Variants in BCL2L13 observed in about 807,000 individuals in gnomAD.
BCL2L13 encodes the protein BCL2 like 13, also known as bcl-2-like protein 13.
In BCL2L13, 13 loss-of-function variants were observed where a neutral mutation model predicts 25.8. The observed-to-expected ratio is 0.50, with a 90% CI of 0.33 to 0.80. The LOEUF is 0.80. Among genes scored for constraint, BCL2L13 ranks in the 30% least tolerant of loss-of-function variants. BCL2L13 has a pLI of 0.02. For missense variants in BCL2L13, 504 were observed against 574.9 expected (o/e 0.88, Z 1.26); for synonymous variants, 244 against 230.3 (o/e 1.06, Z -0.54).
chr22:17,659,911 A>C (rs1009155859), intron 2 of BCL2L13, among the ~76,000 whole-genome samples: 1 of 146,302 alleles, frequency 6.8e-6, no homozygotes. Flanking sequence ...GCTGGAGTGT[A>C]GTGGTCCCAT....
chr22:17,647,854 C>A (rs111399558), intron 1 of BCL2L13, among the ~76,000 whole-genome samples: 1 of 152,092 alleles, frequency 6.6e-6, no homozygotes, highest in Non-Finnish European at 1.5e-5. Context: ...TCCCTCCGGG[C>A]GCAGTGGCTC....
Position 17,727,741 on chromosome 22 carries a change from C to G in BCL2L13, c.*207C>G. On this transcript the variant is annotated 3_prime_UTR_variant, in exon 7 of 7. Transcript: ENST00000317582. ...TGACTGTAAATCCCAAGGGCCTCCG[C>G]TCATGCTAAATTGAGAATCTTAGGG... 1 of 670,944 alleles carries G rather than the reference C, an allele frequency of 1.5e-6. No individual in the cohort carries two copies. The highest frequency in any genetic ancestry group is 2.5e-6 in the Non-Finnish European group (1 of 406,004). 41.6% of individuals were successfully genotyped at this position (670,944 alleles called of 1,614,324 possible). A position where few individuals can be genotyped will look rare whatever the true frequency, so the allele number is the denominator to read the frequency against.
In BCL2L13 at chr22:17,655,700, C is replaced by G. The variant is rs769817127; in HGVS notation, c.-12C>G. 1.9e-6 allele frequency: 3 copies of G among 1,608,950 alleles called. No individual in the cohort carries two copies. In the South Asian group the frequency reaches 3.3e-5, roughly 18 times the overall value. On this transcript the variant is annotated 5_prime_UTR_variant, in exon 2 of 7. Coordinates refer to ENST00000317582, the MANE Select transcript of BCL2L13 (RefSeq NM_015367.4). ...ATAAGTAGACCTTTTTGGAGCCTCACCAGCCAATTCAATGGCGTCCTCTTC... is the reference window on the plus strand; with the variant it reads ...ATAAGTAGACCTTTTTGGAGCCTCAGCAGCCAATTCAATGGCGTCCTCTTC...
At chr22:17,706,825 G>T (rs2060606434) in intron 6 of BCL2L13, 1 of 1,351,814 alleles carries the variant, frequency 7.4e-7, no homozygotes, top group African/African-American at 1.5e-5. Context: ...AGTCCACTGT[G>T]GTAAGGCTTG....
At chr22:17,651,698 G>T (rs1383692481) in intron 1 of BCL2L13, among the ~76,000 whole-genome samples, 5 of 146,138 alleles carry the variant, frequency 3.4e-5, no homozygotes, top group East Asian at 2.1e-4. Context: ...CTTTCTTAAA[G>T]ACTTTTTTTT....
chr22:17,681,062 C>G (rs953471970), intron 2 of BCL2L13, among the ~76,000 whole-genome samples: 1 of 152,184 alleles, frequency 6.6e-6, no homozygotes, highest in African/African-American at 2.4e-5. Context: ...CTTGATCTGT[C>G]TCCTGGAGCC....
intron 2 of BCL2L13, among the ~76,000 whole-genome samples, chr22:17,675,508 GTTGT>G (rs1486954536): frequency 1.3e-5 from 2 of 152,158 alleles, no homozygotes; most frequent in African/African-American, 2.4e-5. Context: ...TTTCAGCCTG[GTTGT>G]TATTTCTGTT....
At chr22:17,721,827 A>T (rs2145822997) in intron 6 of BCL2L13, among the ~76,000 whole-genome samples, 1 of 151,996 alleles carries the variant, frequency 6.6e-6, no homozygotes, top group Non-Finnish European at 1.5e-5. Context: ...CACCCGGCTA[A>T]TTTTTTATGT....
intron 2 of BCL2L13, among the ~76,000 whole-genome samples, chr22:17,658,119 C>T (rs149511813): frequency 6.6e-6 from 1 of 151,034 alleles, no homozygotes; most frequent in East Asian, 1.9e-4. Flanking sequence ...CACGCCCGGC[C>T]GACATTTCTT....
chr22:17,646,955 A>ATATATTTTTTTTT (rs768488873), intron 1 of BCL2L13, among the ~76,000 whole-genome samples: 6 of 22,188 alleles, frequency 2.7e-4, no homozygotes, highest in Non-Finnish European at 3.8e-4. Context: ...ATATATATAT[A>ATATATTTTTTTTT]TTTTTTTTTT....
At chr22:17,704,282 C>T (rs534486674) in intron 6 of BCL2L13, among the ~76,000 whole-genome samples, 78 of 152,038 alleles carry the variant, frequency 5.1e-4, no homozygotes, top group African/African-American at 1.6e-3. Flanking sequence ...GATAGGGCTT[C>T]GCCATGTTGG....
intron 1 of BCL2L13, among the ~76,000 whole-genome samples, chr22:17,644,128 C>T (rs1278303319): frequency 1.3e-5 from 2 of 151,040 alleles, no homozygotes; most frequent in African/African-American, 4.9e-5. Context: ...CCAGGCTGGT[C>T]TCGAACTCCC....
intron 6 of BCL2L13, among the ~76,000 whole-genome samples, chr22:17,722,533 T>C (rs903705098): frequency 6.6e-6 from 1 of 152,112 alleles, no homozygotes; most frequent in African/African-American, 2.4e-5. Flanking sequence ...TGAACCACTG[T>C]GCCCAGCCAG....
chr22:17,654,336 A>G (rs1370620681), intron 1 of BCL2L13, among the ~76,000 whole-genome samples: 1 of 152,118 alleles, frequency 6.6e-6, no homozygotes, highest in Non-Finnish European at 1.5e-5. Context: ...GTTTCAAGCA[A>G]TCAACCTGCC....
chr22:17,674,561 G>A (rs138955972), intron 2 of BCL2L13, among the ~76,000 whole-genome samples: 10 of 149,222 alleles, frequency 6.7e-5, no homozygotes, highest in East Asian at 2.0e-4. Flanking sequence ...AGTAGAGATC[G>A]TGCCACTGCA....
At position 17,727,193 on chromosome 22, in the gene BCL2L13, G is replaced by C; in HGVS notation, c.1117G>C (p.Ala373Pro). 6.2e-7 allele frequency: 1 copy of C among 1,614,240 alleles called. No individual in the cohort carries two copies. The highest frequency in any genetic ancestry group is 8.5e-7 in the Non-Finnish European group (1 of 1,180,044). Residue 373 changes from alanine to proline, a missense_variant, in exon 7 of 7, where the codon GCT (alanine) becomes CCT (proline). By Grantham distance (27) the Ala-to-Pro change is conservative. Coordinates refer to ENST00000317582, the MANE Select transcript of BCL2L13 (RefSeq NM_015367.4). ...EVITVEKSSP[A>P]TSLFVELDEE... ...GATCACAGTTGAGAAATCCAGCCCT[G>C]CTACATCTCTGTTTGTAGAACTTGA... is the stretch of plus-strand genomic sequence containing the variant.
intron 2 of BCL2L13, among the ~76,000 whole-genome samples, chr22:17,668,204 G>A (rs540713971): frequency 7.0e-4 from 105 of 149,968 alleles, no homozygotes; most frequent in Non-Finnish European, 1.2e-3. Context: ...TAGAGATGGG[G>A]GTCTCACCAT....
intron 6 of BCL2L13, among the ~76,000 whole-genome samples, chr22:17,708,123 T>A (rs1457466515): frequency 6.6e-6 from 1 of 152,150 alleles, no homozygotes; most frequent in Non-Finnish European, 1.5e-5. Context: ...TACATTTATT[T>A]TGTTATATTC....
chr22:17,672,111 A>G (rs774517183), intron 2 of BCL2L13, among the ~76,000 whole-genome samples: 2 of 152,224 alleles, frequency 1.3e-5, no homozygotes, highest in Non-Finnish European at 2.9e-5. Flanking sequence ...CTATATGTTC[A>G]ATGGACCTTT....
Sources: gnomAD v4.1 joint callset for allele counts (sites outside exome capture counted in the v4.1 genomes callset) on GRCh38, gnomAD v4.1.1 for gene constraint, MANE v1.5 for transcripts, NCBI Gene and HGNC (gene_info 2026-07-23, HGNC 2026-07-21) for gene names.